Variants in VIPR2 observed in about 807,000 individuals in gnomAD.
VIPR2 encodes the protein vasoactive intestinal peptide receptor 2, also known as vasoactive intestinal polypeptide receptor 2.
Under a neutral mutation model 58.0 loss-of-function variants are expected in VIPR2, and 48 were observed. The observed-to-expected ratio is 0.83, with a 90% confidence interval of 0.66 to 1.05. The LOEUF (loss-of-function observed/expected upper bound fraction) is 1.05, where lower values mean the gene tolerates loss of function less well. VIPR2 is among the 50% of genes least tolerant of loss of function. The probability of loss-of-function intolerance (pLI) is 0.00; values close to 1 mark genes in which losing one functional copy is unlikely to be tolerated. For missense variants in VIPR2, 534 were observed against 558.0 expected, an observed-to-expected ratio of 0.96 and a Z score of 0.43; for synonymous variants, 243 against 235.2, an observed-to-expected ratio of 1.03 and a Z score of -0.30.
intron 4 of VIPR2, among the ~76,000 whole-genome samples, chr7:159,060,749 GCCTGCA>G (rs1482223594): frequency 6.6e-6 from 1 of 150,596 alleles, no homozygotes; most frequent in African/African-American, 2.4e-5. Context: ...ACTAACCACA[GCCTGCA>G]CCTTACCTAA....
At position 159,096,825 on chromosome 7, in the gene VIPR2, C is replaced by T; in HGVS notation, c.357+6932G>A. 6.8e-7 allele frequency: 1 copy of T among 1,468,640 alleles called. No homozygotes were observed. The highest frequency in any genetic ancestry group is 1.4e-5 in the African/African-American group (1 of 71,098). 91.0% of individuals were successfully genotyped at this position (1,468,640 alleles called of 1,614,324 possible). A position where few individuals can be genotyped will look rare whatever the true frequency, so the allele number is the denominator to read the frequency against. Reference sequence around the variant, plus strand: ...CAGCAGCCACAGGCCCAGCTCTTGTCCCGGCCCACCTCGGGATGCTTCCGC... The same window carrying T: ...CAGCAGCCACAGGCCCAGCTCTTGTTCCGGCCCACCTCGGGATGCTTCCGC... On this transcript the variant is annotated intron_variant, in intron 4 of 12. Transcript: ENST00000262178. The surrounding 1 kb of genome is among the most constrained non-coding windows in gnomAD (Gnocchi z 5.5).
At chr7:159,111,679 C>CA (rs529342001) in intron 2 of VIPR2, among the ~76,000 whole-genome samples, 49,375 of 142,110 alleles carry the variant, frequency 0.35, 10,090 homozygotes, top group African/African-American at 0.6. Context: ...GATTCCGTCT[C>CA]AAAAAAAAAA....
Position 159,098,525 on chromosome 7 carries a change from G to A in VIPR2, c.357+5232C>T, listed in dbSNP as rs148037631. Among the ~76,000 whole-genome samples, 30 of 152,266 alleles carry A rather than the reference G, an allele frequency of 2.0e-4. No individual in the cohort carries two copies. Among genetic ancestry groups the A allele is most frequent in the African/African-American group, 7.0e-4 (29 of 41,556 alleles). On this transcript the variant is annotated intron_variant, in intron 4 of 12. Transcript: ENST00000262178. This position sits in a 1 kb window ranked among gnomAD's most constrained non-coding sequence, Gnocchi z 5.2. Reference sequence around the variant, plus strand: ...GGCTTATCTGCTTCAGGATCTGACTGCAGCAGGTGAGACCCCAAATAAAGG... The same window carrying A: ...GGCTTATCTGCTTCAGGATCTGACTACAGCAGGTGAGACCCCAAATAAAGG...
intron 4 of VIPR2, among the ~76,000 whole-genome samples, chr7:159,080,160 AC>A (rs1237375317): frequency 6.6e-6 from 1 of 152,220 alleles, no homozygotes; most frequent in East Asian, 1.9e-4. Context: ...CAGAGACACA[AC>A]AAAAAAAGAG....
intron 4 of VIPR2, among the ~76,000 whole-genome samples, chr7:159,060,806 A>G (rs1186607619): frequency 6.6e-6 from 1 of 152,240 alleles, no homozygotes; most frequent in East Asian, 1.9e-4. Context: ...CACATCACGT[A>G]ACCACCACCT....
chr7:159,085,716 GTT>G (rs113222672), intron 4 of VIPR2, among the ~76,000 whole-genome samples: 1 of 149,154 alleles, frequency 6.7e-6, no homozygotes, highest in African/African-American at 2.5e-5. Flanking sequence ...TTTTGTTTCA[GTT>G]TTTTTTTTTC....
In VIPR2 at chr7:159,031,392, A is replaced by G. The variant is rs1853572531; in HGVS notation, c.1143+436T>C. Reference sequence around the variant, plus strand: ...CCGGAGACAGCCTCCCTGGCTGGGAATGAACGCAGGGCAGAGCTCGGCTCC... The same window carrying G: ...CCGGAGACAGCCTCCCTGGCTGGGAGTGAACGCAGGGCAGAGCTCGGCTCC... On this transcript the variant is annotated intron_variant, in intron 12 of 12. Coordinates refer to ENST00000262178, the MANE Select transcript of VIPR2 (RefSeq NM_003382.5). This position sits in a 1 kb window ranked among gnomAD's most constrained non-coding sequence, Gnocchi z 4.0. The G allele has an allele frequency of 4.1e-6, 4 of 973,474 alleles. No individual in the cohort carries two copies. In the South Asian group the frequency reaches 1.9e-4, roughly 46 times the overall value. 60.3% of individuals were successfully genotyped at this position (973,474 alleles called of 1,614,324 possible). A position where few individuals can be genotyped will look rare whatever the true frequency, so the allele number is the denominator to read the frequency against.
intron 4 of VIPR2, among the ~76,000 whole-genome samples, chr7:159,061,821 C>T (rs1272254392): frequency 1.3e-5 from 2 of 152,146 alleles, no homozygotes; most frequent in Admixed American, 6.5e-5. Context: ...GGGCGAGCCG[C>T]GGCGGAGTAC....
intron 2 of VIPR2, among the ~76,000 whole-genome samples, chr7:159,136,503 T>C (rs1179419591): frequency 6.6e-6 from 1 of 151,460 alleles, no homozygotes; most frequent in Non-Finnish European, 1.5e-5. Flanking sequence ...AAAGCGCACA[T>C]TAGTGTCCAT....
Position 159,099,400 on chromosome 7 carries a change from G to A in VIPR2, c.357+4357C>T, listed in dbSNP as rs1858070400. 6.6e-6 allele frequency among the ~76,000 whole-genome samples: 1 copy of A among 152,172 alleles called. No individual in the cohort carries two copies. The highest frequency in any genetic ancestry group is 2.4e-5 in the African/African-American group (1 of 41,444). ...AGAGCTTGCCACGTGTCCCTGGGAT[G>A]CCTCACAGGGTGTGCCCAGGAGGAG... On this transcript the variant is annotated intron_variant, in intron 4 of 12. Coordinates refer to ENST00000262178, the MANE Select transcript of VIPR2 (RefSeq NM_003382.5). The surrounding 1 kb of genome is among the most constrained non-coding windows in gnomAD (Gnocchi z 4.2).
Position 159,030,729 on chromosome 7 carries a change from C to T in VIPR2, c.1204G>A (p.Asp402Asn). 2 of 1,589,582 alleles carry T rather than the reference C, an allele frequency of 1.3e-6. No homozygotes were observed. Among genetic ancestry groups the T allele is most frequent in the East Asian group, 2.3e-5 (1 of 43,310 alleles). The stretch of plus-strand genomic sequence containing the variant: ...AAGGAGGAACCGCAGACCCTGTAAT[C>T]CCGGCTCGCGGACGGGGTCGGGCAC... ...SRCPTPSASRDYRVCGSSFSR... is the reference protein window; with the variant it reads ...SRCPTPSASRNYRVCGSSFSR... The change falls in exon 13 of 13, where the codon GAT becomes AAT. Residue 402 changes from aspartate (D) to asparagine (N), a missense_variant. By Grantham distance (23) the Asp-to-Asn change is conservative (BLOSUM62 1). This residue lies in a region of VIPR2 where 306 missense variants were observed against 285.8 expected (regional missense o/e 1.07). Coordinates refer to ENST00000262178, the MANE Select transcript of VIPR2 (RefSeq NM_003382.5).
rs1022182568 is a variant in VIPR2, at chr7:159,036,004, T to C, written c.757A>G (p.Thr253Ala). 6.2e-7 allele frequency: 1 copy of C among 1,613,010 alleles called. No homozygotes were observed. Among genetic ancestry groups the C allele is most frequent in the Non-Finnish European group, 8.5e-7 (1 of 1,179,694 alleles). Residue 253 changes from threonine (T) to alanine (A), a missense_variant, in exon 8 of 13, where the codon ACC becomes GCC. Thr to Ala is a moderately conservative substitution (Grantham distance 58). This residue lies in a region of VIPR2 where 306 missense variants were observed against 285.8 expected (regional missense o/e 1.07). Coordinates refer to ENST00000262178, the MANE Select transcript of VIPR2 (RefSeq NM_003382.5). ...AYLLIGWGLP[T>A]VCIGAWTAAR... ...GCAGTCCATGCACCGATGCAGACGG[T>C]GGGGAGGCCTGCAGAGAGACGCCTG...
chr7:159,126,863 G>A (rs996507608), intron 2 of VIPR2, among the ~76,000 whole-genome samples: 8 of 152,206 alleles, frequency 5.3e-5, no homozygotes, highest in Admixed American at 2.6e-4. Flanking sequence ...GCACTGCCAC[G>A]CACTGTACTA....
At chr7:159,125,076 T>A (rs1446025406) in intron 2 of VIPR2, among the ~76,000 whole-genome samples, 1 of 152,266 alleles carries the variant, frequency 6.6e-6, no homozygotes, top group Non-Finnish European at 1.5e-5. Context: ...TCATGTCATC[T>A]GCAAAAGGGG....
At chr7:159,086,678 G>A (rs908639823) in intron 4 of VIPR2, among the ~76,000 whole-genome samples, 1 of 152,244 alleles carries the variant, frequency 6.6e-6, no homozygotes, top group Non-Finnish European at 1.5e-5. Flanking sequence ...ATGGCCAGGT[G>A]TTGTGCCCAG....
intron 2 of VIPR2, among the ~76,000 whole-genome samples, chr7:159,126,090 G>T (rs908501888): frequency 3.3e-5 from 5 of 152,126 alleles, no homozygotes; most frequent in Admixed American, 2.6e-4. Context: ...GTGAACTTGG[G>T]GGCTCTCGTA....
intron 4 of VIPR2, among the ~76,000 whole-genome samples, chr7:159,062,686 C>T (rs1206733401): frequency 7.9e-6 from 1 of 126,812 alleles, no homozygotes; most frequent in Non-Finnish European, 1.9e-5. Flanking sequence ...TTTACTGCAG[C>T]AAGATTTATT....
chr7:159,036,344 G>C (rs1354234058), intron 7 of VIPR2, among the ~76,000 whole-genome samples: 1 of 152,112 alleles, frequency 6.6e-6, no homozygotes, highest in Admixed American at 6.5e-5. Context: ...GGCTACGTTT[G>C]CCTCATCCTG....
chr7:159,144,277 C>A (rs773276781), intron 1 of VIPR2: 3 of 1,352,814 alleles, frequency 2.2e-6, no homozygotes, highest in East Asian at 3.0e-5. Flanking sequence ...GACGCCACGT[C>A]CCCCCGACAC....
Sources: allele counts gnomAD v4.1 joint callset (sites outside exome capture counted in the v4.1 genomes callset), GRCh38; gene constraint gnomAD v4.1.1; regional missense constraint gnomAD v4.1.1; non-coding constraint Gnocchi (gnomAD v3.1); transcripts MANE v1.5; gene names NCBI Gene and HGNC (gene_info 2026-07-23, HGNC 2026-07-21).